ADAM22: variants seen among roughly 807,000 people sequenced by gnomAD.
The protein encoded by ADAM22 is ADAM metallopeptidase domain 22, also known as disintegrin and metalloproteinase domain-containing protein 22.
ADAM22 carries 65 observed loss-of-function variants against 144.6 expected under a neutral mutation model. That is an observed-to-expected ratio of 0.45 (90% CI 0.37 to 0.55). The LOEUF is 0.55. ADAM22 is among the 20% of genes least tolerant of loss of function. The probability of loss-of-function intolerance (pLI) is 0.00; values close to 1 mark genes in which losing one functional copy is unlikely to be tolerated. For synonymous variants in ADAM22, 391 were observed against 412.6 expected (o/e 0.95, Z 0.63); for missense variants, 974 against 1,184.9 (o/e 0.82, Z 2.61).
intron 3 of ADAM22, among the ~76,000 whole-genome samples, chr7:88,040,506 G>T (rs1471901869): frequency 6.6e-6 from 1 of 152,056 alleles, no homozygotes; most frequent in Non-Finnish European, 1.5e-5. Flanking sequence ...ACATCTGTAA[G>T]TGGTTCTGTC....
chr7:88,126,773 T>C (rs899879321), intron 8 of ADAM22, among the ~76,000 whole-genome samples: 6 of 151,938 alleles, frequency 3.9e-5, no homozygotes, highest in Non-Finnish European at 5.9e-5. Context: ...GAGTGTCCTA[T>C]TGGTGCTCAA....
At chr7:88,076,505 C>T (rs944662709) in intron 4 of ADAM22, among the ~76,000 whole-genome samples, 1 of 151,982 alleles carries the variant, frequency 6.6e-6, no homozygotes, top group Non-Finnish European at 1.5e-5. Context: ...CCCAGCCCTG[C>T]CGCCCCTCCA....
At chr7:88,022,543 G>A (rs1244784490) in intron 3 of ADAM22, among the ~76,000 whole-genome samples, 3 of 152,012 alleles carry the variant, frequency 2.0e-5, no homozygotes, top group Non-Finnish European at 4.4e-5. Flanking sequence ...AAGAGGATTT[G>A]GGTTAATGAA....
intron 4 of ADAM22, among the ~76,000 whole-genome samples, chr7:88,094,375 A>G (rs1204453741): frequency 2.0e-5 from 3 of 152,242 alleles, no homozygotes; most frequent in Non-Finnish European, 2.9e-5. Flanking sequence ...TAGTCAAATC[A>G]GCATGTGCAA....
At chr7:87,937,488 A>AT (rs1841515638) in intron 2 of ADAM22, among the ~76,000 whole-genome samples, 2 of 152,202 alleles carry the variant, frequency 1.3e-5, no homozygotes, top group South Asian at 4.1e-4. Context: ...AAATGACAGG[A>AT]TTGAACCTGG....
chr7:88,109,598 C>T (rs1267535711), intron 5 of ADAM22, among the ~76,000 whole-genome samples: 1 of 151,952 alleles, frequency 6.6e-6, no homozygotes, highest in African/African-American at 2.4e-5. Context: ...CTCCTGTGTG[C>T]CAGCCCTAGG....
intron 4 of ADAM22, among the ~76,000 whole-genome samples, chr7:88,092,115 T>C (rs957606710): frequency 6.6e-6 from 1 of 152,216 alleles, no homozygotes; most frequent in Non-Finnish European, 1.5e-5. Context: ...GGCAAACACA[T>C]GGCTCAGTTT....
chr7:88,021,504 TA>T (rs770690896), intron 3 of ADAM22, among the ~76,000 whole-genome samples: 1 of 152,224 alleles, frequency 6.6e-6, no homozygotes, highest in Non-Finnish European at 1.5e-5. Context: ...ATTTTGTCCT[TA>T]AAAATAATAA....
chr7:87,958,298 A>T lies in ADAM22; in HGVS notation c.247-20038A>T, dbSNP rs1158475661. ...ATAGTGATACAGCAATTTACACTCC[A>T]CTAGCACTGTATGCGAATTTATGTA... On this transcript the variant is annotated intron_variant, in intron 2 of 31. Transcript: ENST00000413139. Among the ~76,000 whole-genome samples the T allele has an allele frequency of 3.3e-5, 5 of 152,178 alleles. No homozygotes were observed. The East Asian group carries it at 9.6e-4, about 29-fold the overall frequency.
chr7:88,177,455 T>G (rs1263780568), intron 26 of ADAM22, among the ~76,000 whole-genome samples: 2 of 152,188 alleles, frequency 1.3e-5, no homozygotes, highest in African/African-American at 4.8e-5. Context: ...ATAACTATTA[T>G]GAGCTGAAGT....
chr7:88,099,204 G>A (rs1247410371), intron 4 of ADAM22, among the ~76,000 whole-genome samples: 1 of 152,146 alleles, frequency 6.6e-6, no homozygotes, highest in Non-Finnish European at 1.5e-5. Context: ...CTGAAAGTCT[G>A]AAATTTTATC....
chr7:88,102,529 A>G (rs1468557203), intron 4 of ADAM22, among the ~76,000 whole-genome samples: 1 of 152,170 alleles, frequency 6.6e-6, no homozygotes, highest in African/African-American at 2.4e-5. Context: ...AGTCATGGGC[A>G]TTGGAATTTA....
chr7:88,157,528 G>T (rs1488871445), intron 22 of ADAM22, among the ~76,000 whole-genome samples: 1 of 152,078 alleles, frequency 6.6e-6, no homozygotes, highest in Non-Finnish European at 1.5e-5. Context: ...AAATTTCTCA[G>T]GAAAGTACTA....
intron 2 of ADAM22, among the ~76,000 whole-genome samples, chr7:87,972,906 C>T (rs1850826086): frequency 6.6e-6 from 1 of 152,152 alleles, no homozygotes; most frequent in Non-Finnish European, 1.5e-5. Flanking sequence ...AAAGCTGAAA[C>T]TGGATCCCTT....
chr7:88,079,824 C>G (rs1200032646), intron 4 of ADAM22, among the ~76,000 whole-genome samples: 3 of 152,202 alleles, frequency 2.0e-5, no homozygotes, highest in African/African-American at 7.2e-5. Context: ...GCACTCAATA[C>G]AGGAGCACCC....
chr7:88,020,861 A>C (rs1797678697), intron 3 of ADAM22, among the ~76,000 whole-genome samples: 1 of 152,188 alleles, frequency 6.6e-6, no homozygotes, highest in African/African-American at 2.4e-5. Context: ...GATAATGCAG[A>C]AACCTGGCTT....
chr7:88,096,501 C>T (rs1185266692), intron 4 of ADAM22, among the ~76,000 whole-genome samples: 3 of 150,764 alleles, frequency 2.0e-5, no homozygotes, highest in Non-Finnish European at 3.0e-5. Context: ...TCCACACACA[C>T]ATATATATAT....
chr7:88,134,363 C>T lies in ADAM22; in HGVS notation c.1112C>T (p.Ala371Val). The change falls in exon 13 of 32, where the codon GCC (alanine) becomes GTC (valine). Residue 371 changes from alanine (A) to valine (V), a missense_variant. Ala to Val is a moderately conservative substitution (Grantham distance 64, BLOSUM62 0). Transcript: ENST00000413139. ...GKTDLMAVTL[A>V]QSLAHNIGII... is the part of the protein sequence containing the mutation. The stretch of plus-strand genomic sequence containing the variant: ...ACTGATTTAATGGCTGTTACACTTG[C>T]CCAGTCATTAGCCCATAATATTGGT... 1.2e-6 allele frequency: 2 copies of T among 1,608,526 alleles called. No homozygotes were observed. The highest frequency in any genetic ancestry group is 2.2e-5 in the South Asian group (2 of 89,544).
At chr7:88,156,970 C>G (rs371461283) in intron 22 of ADAM22, among the ~76,000 whole-genome samples, 1 of 151,010 alleles carries the variant, frequency 6.6e-6, no homozygotes, top group South Asian at 2.1e-4. Flanking sequence ...AACCACTTAT[C>G]AATATTTATG....
Sources: allele counts gnomAD v4.1 joint callset (sites outside exome capture counted in the v4.1 genomes callset), GRCh38; gene constraint gnomAD v4.1.1; transcripts MANE v1.5; gene names NCBI Gene and HGNC (gene_info 2026-07-23, HGNC 2026-07-21).